The following MIB1 variants were observed in gnomAD, a reference collection of about 807,000 sequenced individuals.
MIB1 encodes E3 ubiquitin-protein ligase MIB1.
MIB1 carries 278 observed loss-of-function variants against 124.5 expected under a neutral mutation model. The ratio of observed to expected loss-of-function variants is 2.23; its 90% CI spans 2.02 to 2.47. The LOEUF (loss-of-function observed/expected upper bound fraction) is 2.47. Among genes scored for constraint, MIB1 ranks in the 30% most tolerant of loss-of-function variants. The pLI is 0.00. For missense variants in MIB1, 957 were observed against 1,254.4 expected, an observed-to-expected ratio of 0.76 and a Z score of 3.58; for synonymous variants, 446 against 429.4, an observed-to-expected ratio of 1.04 and a Z score of -0.48.
At chr18:21,862,874 T>C (rs1379682504) in intron 20 of MIB1, among the ~76,000 whole-genome samples, 1 of 152,220 alleles carries the variant, frequency 6.6e-6, no homozygotes, top group East Asian at 1.9e-4. Context: ...TACATTGCCT[T>C]CTTTTTATGC....
chr18:21,798,339 C>G (rs1338251288), intron 8 of MIB1, 111 bp downstream of exon 8: 33 of 1,071,730 alleles, frequency 3.1e-5, no homozygotes, highest in Non-Finnish European at 4.4e-5. Context: ...GGCTTTGTCC[C>G]AGATTACACA....
chr18:21,841,248 C>T (rs529281457), intron 13 of MIB1, among the ~76,000 whole-genome samples: 13 of 152,158 alleles, frequency 8.5e-5, no homozygotes, highest in Non-Finnish European at 1.6e-4. Context: ...CACCTGTAGT[C>T]CCCAGCTACT....
chr18:21,831,669 G>C (rs895984363), intron 12 of MIB1, among the ~76,000 whole-genome samples: 26 of 151,740 alleles, frequency 1.7e-4, no homozygotes, highest in African/African-American at 5.8e-4. Flanking sequence ...TTTGAGGGGG[G>C]GTAAGCACTG....
chr18:21,835,461 A>G (rs928181535), intron 12 of MIB1, among the ~76,000 whole-genome samples: 16 of 152,070 alleles, frequency 1.1e-4, no homozygotes, highest in Non-Finnish European at 2.2e-4. Context: ...TAAGAAGGGT[A>G]ATCAAGATCA....
Position 21,741,876 on chromosome 18 carries a change from G to T in MIB1, c.229+64G>T. On this transcript the variant is annotated intron_variant, in intron 1 of 20. Coordinates refer to ENST00000261537, the MANE Select transcript of MIB1 (RefSeq NM_020774.4). The surrounding 1 kb of genome is among the most constrained non-coding windows in gnomAD (Gnocchi z 5.4). Reference sequence around the variant, plus strand: ...GGGGAAGGGGCGAGCTGCGGTGGGCGTCGGTGTCGCGGGGAGAGGTCTGCA... The same window carrying T: ...GGGGAAGGGGCGAGCTGCGGTGGGCTTCGGTGTCGCGGGGAGAGGTCTGCA... 1 of 1,412,918 alleles carries T rather than the reference G, an allele frequency of 7.1e-7. No homozygotes were observed. The highest frequency in any genetic ancestry group is 2.2e-5 in the Admixed American group (1 of 45,314). 87.5% of individuals were successfully genotyped at this position (1,412,918 alleles called of 1,614,324 possible). A position where few individuals can be genotyped will look rare whatever the true frequency, so the allele number is the denominator to read the frequency against.
At chr18:21,756,001 C>T (rs561211500) in intron 1 of MIB1, among the ~76,000 whole-genome samples, 11 of 152,130 alleles carry the variant, frequency 7.2e-5, no homozygotes, top group African/African-American at 2.2e-4. Flanking sequence ...TAATAAATCC[C>T]GAGAGCTTTG....
intron 1 of MIB1, among the ~76,000 whole-genome samples, chr18:21,730,655 G>A (rs1317736990): frequency 2.0e-5 from 3 of 152,220 alleles, no homozygotes; most frequent in Admixed American, 1.3e-4. Flanking sequence ...CCAGAAAGCT[G>A]TAATTGCACT....
chr18:21,778,091 T>G lies in MIB1; in HGVS notation c.637-12T>G. On this transcript the variant is annotated splice_polypyrimidine_tract_variant and intron_variant, in intron 4 of 20. Transcript: ENST00000261537. The stretch of plus-strand genomic sequence containing the variant: ...TTTCATGGGTGATTTTTCTGGTTTC[T>G]TTTCTTCTTAGTCTGATCTGAAATG... 1.2e-6 allele frequency: 2 copies of G among 1,606,218 alleles called. No homozygotes were observed. The highest frequency in any genetic ancestry group is 1.7e-6 in the Non-Finnish European group (2 of 1,173,432).
At position 21,849,205 on chromosome 18, in the gene MIB1, G is replaced by C. The variant is rs776581205; in HGVS notation, c.2403G>C (p.Val801=). ...TACTTTCTTTTATTAGTGGTCAAGT[G>C]GGTTCTCGGAGTCCTTCTATGATTA... The part of the protein sequence containing the change: ...KCHKEKVSGQ[V]GSRSPSMISN... Residue 801 remains valine (V), a synonymous_variant, in exon 17 of 21, where the codon GTG becomes GTC. Transcript: ENST00000261537. The C allele has an allele frequency of 1.3e-6, 2 of 1,547,808 alleles. No homozygotes were observed. The highest frequency in any genetic ancestry group is 1.7e-6 in the Non-Finnish European group (2 of 1,147,924).
At chr18:21,766,778 C>T (rs2041164961) in intron 2 of MIB1, among the ~76,000 whole-genome samples, 1 of 152,218 alleles carries the variant, frequency 6.6e-6, no homozygotes, top group Middle Eastern at 3.4e-3. Context: ...TGGCTCATGC[C>T]TTTAATTCTA....
rs2041332584 is a variant in MIB1, at chr18:21,779,473, A to T, written c.704-8A>T. 1 of 1,613,366 alleles carries T rather than the reference A, an allele frequency of 6.2e-7. No homozygotes were observed. The highest frequency in any genetic ancestry group is 8.5e-7 in the Non-Finnish European group (1 of 1,179,372). On this transcript the variant is annotated splice_polypyrimidine_tract_variant and splice_region_variant and intron_variant, in intron 5 of 20. Transcript: ENST00000261537. ...TCTCCCTTTATTCAATTGCCTCTGA[A>T]ATTACAGGTGAGCAGAATGGCAACA...
chr18:21,780,620 A>G (rs1351935945), intron 6 of MIB1, among the ~76,000 whole-genome samples: 1 of 152,010 alleles, frequency 6.6e-6, no homozygotes, highest in Non-Finnish European at 1.5e-5. Context: ...CTCCTGTTCT[A>G]TTCTATTTTT....
intron 15 of MIB1, among the ~76,000 whole-genome samples, chr18:21,845,561 G>A (rs2042127833): frequency 1.3e-5 from 2 of 152,040 alleles, no homozygotes; most frequent in Admixed American, 6.6e-5. Flanking sequence ...TATGGATCCA[G>A]GTTTATTTAC....
At chr18:21,803,612 A>G (rs1384518099) in intron 9 of MIB1, 1 of 211,772 alleles carries the variant, frequency 4.7e-6, no homozygotes, top group African/African-American at 2.3e-5. Flanking sequence ...AAATATATAT[A>G]CAAAACCAAC....
In MIB1 at chr18:21,768,624, G is replaced by T; in HGVS notation, c.403G>T (p.Val135Phe). The T allele has an allele frequency of 6.5e-7, 1 of 1,540,946 alleles. No individual in the cohort carries two copies. Among genetic ancestry groups the T allele is most frequent in the Non-Finnish European group, 8.8e-7 (1 of 1,139,520 alleles). ...YRITTPGSER[V>F]LLESRRKSKK... ...GAAAATAAATAATTTTATTTTTAGG[G>T]TTCTGTTAGAGTCTCGTAGGAAATC... is the stretch of plus-strand genomic sequence containing the variant. Residue 135 changes from valine (V) to phenylalanine (F), a missense_variant and splice_region_variant, in exon 3 of 21, where the codon GTT becomes TTT. Val to Phe is a conservative substitution (Grantham distance 50, BLOSUM62 -1). Transcript: ENST00000261537.
In MIB1 at chr18:21,740,812, T is replaced by A. The variant is rs1406160782; in HGVS notation, c.-772T>A. ...CTCTCCTTGGACCCTGGAGAGACGCTTAGGGATCAGTTTTCTCCTCCTTTC... is the reference window on the plus strand; with the variant it reads ...CTCTCCTTGGACCCTGGAGAGACGCATAGGGATCAGTTTTCTCCTCCTTTC... On this transcript the variant is annotated 5_prime_UTR_variant, in exon 1 of 21. Coordinates refer to ENST00000261537, the MANE Select transcript of MIB1 (RefSeq NM_020774.4). 2.0e-5 allele frequency among the ~76,000 whole-genome samples: 3 copies of A among 152,222 alleles called. No homozygotes were observed. Among genetic ancestry groups the A allele is most frequent in the Non-Finnish European group, 4.4e-5 (3 of 68,030 alleles).
At chr18:21,719,518 C>T (rs538309728) in intron 1 of MIB1, among the ~76,000 whole-genome samples, 53 of 152,156 alleles carry the variant, frequency 3.5e-4, no homozygotes, top group African/African-American at 1.3e-3. Flanking sequence ...GCGATCTCTG[C>T]ACACTGCAAC....
chr18:21,831,047 G>A (rs1333506160), intron 12 of MIB1: 2 of 142,974 alleles, frequency 1.4e-5, no homozygotes, highest in African/African-American at 5.2e-5. Flanking sequence ...CTTGTCAGAT[G>A]AAATGCTTCA....
Position 21,812,060 on chromosome 18 carries a change from A to G in MIB1, c.1480-3556A>G, listed in dbSNP as rs547321864. ...CACAGCCAAGTAAAAAAGACTTCAA[A>G]CAAATAATTATACTATAGTGTGAGA... is the stretch of plus-strand genomic sequence containing the variant. On this transcript the variant is annotated intron_variant, in intron 10 of 20. Transcript: ENST00000261537. 2.1e-4 allele frequency among the ~76,000 whole-genome samples: 32 copies of G among 152,310 alleles called. 1 individual carries two copies. The highest frequency in any genetic ancestry group is 1.7e-3 in the Admixed American group (26 of 15,300).
Sources: gnomAD v4.1 joint callset for allele counts (sites outside exome capture counted in the v4.1 genomes callset) on GRCh38, gnomAD v4.1.1 for gene constraint, Gnocchi (gnomAD v3.1) non-coding constraint, MANE v1.5 for transcripts, NCBI Gene and HGNC (gene_info 2026-07-23, HGNC 2026-07-21) for gene names.